The following DIS3L2 variants were observed in gnomAD, a reference collection of about 807,000 sequenced individuals.
The protein encoded by DIS3L2 is DIS3 like 3'-5' exoribonuclease 2, also known as DIS3-like exonuclease 2.
A neutral mutation model predicts 97.5 loss-of-function variants in DIS3L2; 34 were observed. That is an observed-to-expected ratio of 0.35 (90% confidence interval 0.27 to 0.46). The LOEUF (loss-of-function observed/expected upper bound fraction) is 0.46. DIS3L2 is among the 20% of genes least tolerant of loss of function. The pLI, the probability that DIS3L2 is intolerant of heterozygous loss-of-function variation, is 1.00. For missense variants in DIS3L2, 1,038 were observed against 1,146.0 expected (o/e 0.91, Z 1.36); for synonymous variants, 435 against 445.2 (o/e 0.98, Z 0.29).
chr2:232,028,008 A>G (rs1694706712), intron 4 of DIS3L2, among the ~76,000 whole-genome samples: 2 of 152,178 alleles, frequency 1.3e-5, no homozygotes, highest in Admixed American at 1.3e-4. Flanking sequence ...AAGCTCTCTA[A>G]CTTTTTAATG....
chr2:232,024,245 G>A, intron 3 of DIS3L2, 32 bp from the exon 4 acceptor site: 1 of 1,518,390 alleles, frequency 6.6e-7, no homozygotes, highest in Middle Eastern at 1.7e-4. Context: ...TATATAGCTA[G>A]ATTTTCACAA....
At position 232,037,667 on chromosome 2, in the gene DIS3L2, G is replaced by A. The variant is rs1230855000; in HGVS notation, c.366+7587G>A. On this transcript the variant is annotated intron_variant, in intron 5 of 20. Coordinates refer to ENST00000325385, the MANE Select transcript of DIS3L2 (RefSeq NM_152383.5). The surrounding 1 kb of genome is among the most constrained non-coding windows in gnomAD (Gnocchi z 4.6). The stretch of plus-strand genomic sequence containing the variant: ...TGAAACCCAGGGCCCTTGTGGTATA[G>A]GCACCCGAGGGAATCTCCTGGTCTG... Among the ~76,000 whole-genome samples, 1 of 152,212 alleles carries A rather than the reference G, an allele frequency of 6.6e-6. No homozygotes were observed. Among genetic ancestry groups the A allele is most frequent in the African/African-American group, 2.4e-5 (1 of 41,460 alleles).
At chr2:232,267,921 C>A (rs1262952598) in intron 13 of DIS3L2, among the ~76,000 whole-genome samples, 2 of 151,242 alleles carry the variant, frequency 1.3e-5, no homozygotes, top group Non-Finnish European at 2.9e-5. Context: ...CCAGAAGAAT[C>A]CCATTATGAA....
intron 5 of DIS3L2, among the ~76,000 whole-genome samples, chr2:232,083,162 A>T (rs1696455820): frequency 6.6e-6 from 1 of 151,602 alleles, no homozygotes; most frequent in Non-Finnish European, 1.5e-5. Flanking sequence ...GGGTGGGGGC[A>T]CAGCCAAACC....
At chr2:232,170,382 A>G (rs1690948276) in intron 9 of DIS3L2, among the ~76,000 whole-genome samples, 1 of 152,200 alleles carries the variant, frequency 6.6e-6, no homozygotes, top group African/African-American at 2.4e-5. Flanking sequence ...TGTTTCTCCT[A>G]TAGTTAGTAT....
At chr2:232,240,888 A>G (rs1693061875) in intron 11 of DIS3L2, among the ~76,000 whole-genome samples, 1 of 152,210 alleles carries the variant, frequency 6.6e-6, no homozygotes, top group South Asian at 2.1e-4. Flanking sequence ...AAATGAAAAA[A>G]TCAAATTGGG....
At chr2:232,261,967 G>C (rs1693721834) in intron 12 of DIS3L2, among the ~76,000 whole-genome samples, 2 of 152,296 alleles carry the variant, frequency 1.3e-5, no homozygotes, top group South Asian at 4.1e-4. Flanking sequence ...TTGCCATATG[G>C]AGAGTGTGAA....
chr2:232,277,986 CG>C (rs879479066), intron 13 of DIS3L2, among the ~76,000 whole-genome samples: 12,616 of 152,182 alleles, frequency 0.083, 672 homozygotes, highest in African/African-American at 0.15. Flanking sequence ...TGGGGCCCAT[CG>C]TTGGCCAAAA....
At chr2:232,127,355 G>C (rs1317935866) in intron 6 of DIS3L2, among the ~76,000 whole-genome samples, 2 of 152,066 alleles carry the variant, frequency 1.3e-5, no homozygotes, top group African/African-American at 4.8e-5. Context: ...CAACCTAATT[G>C]CTAGTGTCAG....
intron 8 of DIS3L2, 59 bp downstream of exon 8, chr2:232,136,778 C>T: frequency 6.4e-7 from 1 of 1,567,318 alleles, no homozygotes; most frequent in East Asian, 2.3e-5. Flanking sequence ...TTTAGGTGGT[C>T]TTTAGGTAAA....
At chr2:232,337,860 A>G (rs574562342), downstream of DIS3L2, among the ~76,000 whole-genome samples, 25 of 151,036 alleles carry the variant, frequency 1.7e-4, no homozygotes, top group African/African-American at 3.7e-4. Flanking sequence ...GGGGCTGGCT[A>G]TGGGAGGCAA....
At chr2:232,338,928 C>G (rs1253108656), downstream of DIS3L2, among the ~76,000 whole-genome samples, 3 of 152,276 alleles carry the variant, frequency 2.0e-5, no homozygotes, top group Non-Finnish European at 2.9e-5. Flanking sequence ...GCGAGACTGT[C>G]TTTTCCTCAA....
intron 8 of DIS3L2, among the ~76,000 whole-genome samples, chr2:232,155,586 TTCTTTATTTCAGAAAAGTTTTCTTAATGA>T (rs1449382248): frequency 4.6e-5 from 7 of 152,350 alleles, no homozygotes; most frequent in African/African-American, 1.7e-4. Flanking sequence ...AACCTAAATT[TTCTTTATTTCAGAAAAGTTTTCTTAATGA>T]TCTTGGAAAA....
intron 12 of DIS3L2, among the ~76,000 whole-genome samples, chr2:232,251,705 G>A (rs1308297650): frequency 3.3e-5 from 5 of 152,136 alleles, no homozygotes; most frequent in Non-Finnish European, 5.9e-5. Flanking sequence ...CGATAAAATC[G>A]GAAATCAGAA....
At chr2:232,051,244 A>G (rs893490186) in intron 5 of DIS3L2, among the ~76,000 whole-genome samples, 1 of 152,204 alleles carries the variant, frequency 6.6e-6, no homozygotes, top group African/African-American at 2.4e-5. Context: ...GATAAGGATT[A>G]ATGAACTGTA....
intron 13 of DIS3L2, among the ~76,000 whole-genome samples, chr2:232,277,943 G>A (rs950407772): frequency 1.3e-5 from 2 of 152,104 alleles, no homozygotes; most frequent in Admixed American, 6.6e-5. Context: ...ATAAAAATAT[G>A]GTATTCTAAT....
chr2:232,234,815 C>T (rs181779689), intron 10 of DIS3L2, among the ~76,000 whole-genome samples: 2 of 152,324 alleles, frequency 1.3e-5, no homozygotes, highest in African/African-American at 4.8e-5. Context: ...GGTCCCCACT[C>T]ACAGATGTCT....
At chr2:232,303,556 T>A (rs1372209758) in intron 14 of DIS3L2, among the ~76,000 whole-genome samples, 1 of 152,258 alleles carries the variant, frequency 6.6e-6, no homozygotes, top group African/African-American at 2.4e-5. Context: ...GTAATCACTT[T>A]AGCATTCATC....
rs746032745 is a variant in DIS3L2 at position 232,030,002 on chromosome 2, T to C, written c.288T>C (p.Ile96=). Residue 96 remains isoleucine, a synonymous_variant, in exon 5 of 21, where the codon ATT becomes ATC. Coordinates refer to ENST00000325385, the MANE Select transcript of DIS3L2 (RefSeq NM_152383.5). ...PSPDGDRDIF[I]DGVVARNRAL... is the part of the protein sequence containing the mutation. ...AGGATGGTGATCGAGACATTTTTAT[T>C]GATGGGGTTGTTGCTCGTAATAGAG... is the stretch of plus-strand genomic sequence containing the variant. The C allele has an allele frequency of 3.8e-5, 61 of 1,606,102 alleles. No individual in the cohort carries two copies. In the South Asian group the frequency reaches 4.4e-4, roughly 12 times the overall value.
Sources: allele counts gnomAD v4.1 joint callset (sites outside exome capture counted in the v4.1 genomes callset), GRCh38; gene constraint gnomAD v4.1.1; non-coding constraint Gnocchi (gnomAD v3.1); transcripts MANE v1.5; gene names NCBI Gene and HGNC (gene_info 2026-07-23, HGNC 2026-07-21).